Variants in CBFB observed in about 807,000 individuals in gnomAD.
The protein encoded by CBFB is CBF-beta.
CBFB carries 9 observed loss-of-function variants against 30.4 expected under a neutral mutation model. That is an observed-to-expected ratio of 0.30 (90% confidence interval 0.18 to 0.52). The LOEUF is 0.52. Among genes scored for constraint, CBFB ranks in the 20% least tolerant of loss-of-function variants. The pLI is 0.97. For synonymous variants in CBFB, 94 were observed against 84.0 expected (o/e 1.12, Z -0.65); for missense variants, 170 against 244.0 (o/e 0.70, Z 2.02).
In CBFB at chr16:67,029,739, G is replaced by A; in HGVS notation, c.91G>A (p.Gly31Ser). 6.3e-7 allele frequency: 1 copy of A among 1,596,386 alleles called. No homozygotes were observed. Among genetic ancestry groups the A allele is most frequent in the Non-Finnish European group, 8.5e-7 (1 of 1,172,846 alleles). The change falls in exon 2 of 6, where the codon GGC (glycine) becomes AGC (serine). Residue 31 changes from glycine to serine, a missense_variant. Gly to Ser is a moderately conservative substitution (Grantham distance 56). Coordinates refer to ENST00000412916, the MANE Select transcript of CBFB (RefSeq NM_022845.3). Reference sequence around the variant, plus strand: ...TCTTGCCTTGCAGATTAAGTACACGGGCTTCAGGGACCGGCCCCACGAGGA... The same window carrying A: ...TCTTGCCTTGCAGATTAAGTACACGAGCTTCAGGGACCGGCCCCACGAGGA... ...LSRECEIKYT[G>S]FRDRPHEERQ...
At position 67,100,424 on chromosome 16, in the gene CBFB, A is replaced by G. The variant is rs1288375136; in HGVS notation, c.*1646A>G. 10 of 224,708 alleles carry G rather than the reference A, an allele frequency of 4.5e-5. No homozygotes were observed. In the Admixed American group the frequency reaches 5.7e-4, roughly 13 times the overall value. The allele number at this position is 224,708 out of a possible 1,614,324, so 13.9% of individuals were successfully genotyped here. On this transcript the variant is annotated 3_prime_UTR_variant, in exon 6 of 6. Coordinates refer to ENST00000412916, the MANE Select transcript of CBFB (RefSeq NM_022845.3). ...TGGAAAGGAGTGTGTTTAAATTGTT[A>G]CAAACAATAATGCGTCATTAAAGGC...
chr16:67,086,048 G>A (rs959836893), intron 5 of CBFB, among the ~76,000 whole-genome samples: 4 of 152,172 alleles, frequency 2.6e-5, no homozygotes, highest in Admixed American at 6.5e-5. Flanking sequence ...TGGGCTGATA[G>A]CAGCTGAGGA....
intron 3 of CBFB, among the ~76,000 whole-genome samples, chr16:67,052,330 G>GCCTCC (rs1960578748): frequency 6.6e-6 from 1 of 152,154 alleles, no homozygotes; most frequent in Non-Finnish European, 1.5e-5. Flanking sequence ...AGCACTTTGG[G>GCCTCC]AGGCCAAGGT....
chr16:67,066,725 T>C lies in CBFB; in HGVS notation c.326T>C (p.Ile109Thr), dbSNP rs201816595. ...ATGATTCTGAATGGAGTCTGTGTTA[T>C]CTGGAAAGGCTGGATTGATCTCCAA... ...APMILNGVCV[I>T]WKGWIDLQRL... The change falls in exon 4 of 6, where the codon ATC (isoleucine) becomes ACC (threonine). Residue 109 changes from isoleucine (I) to threonine (T), a missense_variant. Transcript: ENST00000412916. The C allele has an allele frequency of 1.4e-5, 22 of 1,610,206 alleles. No homozygotes were observed. The highest frequency in any genetic ancestry group is 2.2e-4 in the Middle Eastern group (1 of 4,488).
chr16:67,046,554 T>C (rs1477791925), intron 3 of CBFB, among the ~76,000 whole-genome samples: 4 of 152,230 alleles, frequency 2.6e-5, no homozygotes, highest in Admixed American at 2.6e-4. Context: ...ATAATTTACA[T>C]GTAGTACAGT....
At chr16:67,070,748 A>G (rs1961197871) in intron 4 of CBFB, among the ~76,000 whole-genome samples, 1 of 152,108 alleles carries the variant, frequency 6.6e-6, no homozygotes, top group South Asian at 2.1e-4. Flanking sequence ...CTACTCAGGA[A>G]GCTGAGGTGG....
Position 67,099,010 on chromosome 16 carries a change from C to T in CBFB, c.*232C>T. On this transcript the variant is annotated 3_prime_UTR_variant, in exon 6 of 6. Coordinates refer to ENST00000412916, the MANE Select transcript of CBFB (RefSeq NM_022845.3). Reference sequence around the variant, plus strand: ...CCAGTAATAATTTGAAGTTTTTTTTCTATGCAAGCTTACCTTGTTGGCATT... The same window carrying T: ...CCAGTAATAATTTGAAGTTTTTTTTTTATGCAAGCTTACCTTGTTGGCATT... The T allele has an allele frequency of 2.4e-6, 1 of 408,848 alleles. No individual in the cohort carries two copies. 25.3% of individuals were successfully genotyped at this position (408,848 alleles called of 1,614,324 possible).
rs200261112 is a variant in CBFB at position 67,082,327 on chromosome 16, C to T, written c.495+19C>T. On this transcript the variant is annotated intron_variant, in intron 5 of 5. Coordinates refer to ENST00000412916, the MANE Select transcript of CBFB (RefSeq NM_022845.3). ...AATGGAGGTGAGAGTTTCACAGCTGCTGGCAGTAACTGGTTAGTACTTTCC... is the reference window on the plus strand; with the variant it reads ...AATGGAGGTGAGAGTTTCACAGCTGTTGGCAGTAACTGGTTAGTACTTTCC... The T allele has an allele frequency of 1.9e-6, 3 of 1,612,028 alleles. No homozygotes were observed. The highest frequency in any genetic ancestry group is 2.5e-6 in the Non-Finnish European group (3 of 1,178,604).
chr16:67,064,480 C>T (rs553395560), intron 3 of CBFB, among the ~76,000 whole-genome samples: 182 of 152,282 alleles, frequency 1.2e-3, no homozygotes, highest in Non-Finnish European at 2.4e-3. Context: ...GCTGGGATTA[C>T]AAGCGTGAGC....
chr16:67,081,455 C>CT (rs1200117625), intron 4 of CBFB, among the ~76,000 whole-genome samples: 16 of 150,746 alleles, frequency 1.1e-4, no homozygotes, highest in East Asian at 5.9e-4. Flanking sequence ...GAAAATCTGA[C>CT]TTTTTTTTTA....
At chr16:67,087,625 T>G (rs1432456495) in intron 5 of CBFB, among the ~76,000 whole-genome samples, 1 of 152,216 alleles carries the variant, frequency 6.6e-6, no homozygotes, top group Non-Finnish European at 1.5e-5. Flanking sequence ...GGAAGAATAT[T>G]TTGGTATGTG....
intron 3 of CBFB, among the ~76,000 whole-genome samples, chr16:67,043,374 T>C (rs1052630934): frequency 4.6e-5 from 7 of 152,228 alleles, no homozygotes; most frequent in Non-Finnish European, 1.0e-4. Context: ...AGTCCTTTTA[T>C]TCATTCTGTT....
At chr16:67,058,827 A>G (rs1960807214) in intron 3 of CBFB, among the ~76,000 whole-genome samples, 1 of 152,222 alleles carries the variant, frequency 6.6e-6, no homozygotes, top group Non-Finnish European at 1.5e-5. Context: ...AGCTCTAACA[A>G]CTTATTACAG....
rs1365382730 is a variant in CBFB, at chr16:67,100,530, T to A, written c.*1752T>A. 4.4e-6 allele frequency: 1 copy of A among 228,350 alleles called. No individual in the cohort carries two copies. The highest frequency in any genetic ancestry group is 2.2e-5 in the African/African-American group (1 of 45,092). 14.1% of individuals were successfully genotyped at this position (228,350 alleles called of 1,614,324 possible). On this transcript the variant is annotated 3_prime_UTR_variant, in exon 6 of 6. Transcript: ENST00000412916. ...TTGTACAGCTCACATGTTTACACAC[T>A]CAGTGCCCTAATTTCCCCTGAGGGA... is the stretch of plus-strand genomic sequence containing the variant.
At chr16:67,059,597 A>C (rs1204154707) in intron 3 of CBFB, among the ~76,000 whole-genome samples, 1 of 152,190 alleles carries the variant, frequency 6.6e-6, no homozygotes, top group Non-Finnish European at 1.5e-5. Context: ...TAATGCAGCC[A>C]ACAAAGGGGA....
chr16:67,034,074 T>C (rs58841710), intron 2 of CBFB, among the ~76,000 whole-genome samples: 31,099 of 151,970 alleles, frequency 0.2, 6,171 homozygotes, highest in African/African-American at 0.52. Flanking sequence ...GTGATCTGCC[T>C]GTGTTGGCCT....
intron 5 of CBFB, among the ~76,000 whole-genome samples, chr16:67,083,208 A>G (rs1330837748): frequency 6.6e-6 from 1 of 151,844 alleles, no homozygotes; most frequent in Non-Finnish European, 1.5e-5. Flanking sequence ...ACATAAATAA[A>G]CCTTTGACAG....
At position 67,029,429 on chromosome 16, in the gene CBFB, C is replaced by T; in HGVS notation, c.22C>T (p.Gln8Ter). Residue 8 changes from glutamine to a stop codon, truncating the protein, a stop_gained, in exon 1 of 6, where the codon CAG (glutamine) becomes TAG (stop). Transcript: ENST00000412916. LOFTEE classifies it high-confidence loss of function. Reference sequence around the variant, plus strand: ...GAAGATGCCGCGCGTCGTGCCCGACCAGAGAAGCAAGTTCGAGAACGAGGA... The same window carrying T: ...GAAGATGCCGCGCGTCGTGCCCGACTAGAGAAGCAAGTTCGAGAACGAGGA... MPRVVPD[Q>*]RSKFENEEFF... The T allele has an allele frequency of 6.3e-7, 1 of 1,584,130 alleles. No homozygotes were observed. The highest frequency in any genetic ancestry group is 8.6e-7 in the Non-Finnish European group (1 of 1,167,152).
chr16:67,033,366 A>G (rs1966385229), intron 2 of CBFB, among the ~76,000 whole-genome samples: 1 of 151,784 alleles, frequency 6.6e-6, no homozygotes, highest in South Asian at 2.1e-4. Flanking sequence ...TTGAGACTGG[A>G]TCTTACTCTG....
Sources: gnomAD v4.1 joint callset for allele counts (sites outside exome capture counted in the v4.1 genomes callset) on GRCh38, gnomAD v4.1.1 for gene constraint, MANE v1.5 for transcripts, NCBI Gene and HGNC (gene_info 2026-07-23, HGNC 2026-07-21) for gene names.